Variants in ARFGEF2 observed in about 807,000 individuals in gnomAD.
ARFGEF2 encodes brefeldin A-inhibited guanine nucleotide-exchange protein 2.
In ARFGEF2, 74 loss-of-function variants were observed where a neutral mutation model predicts 219.9. The ratio of observed to expected loss-of-function variants is 0.34; its 90% CI spans 0.28 to 0.41. The LOEUF (loss-of-function observed/expected upper bound fraction) is 0.41, where lower values mean the gene tolerates loss of function less well. Ranked by LOEUF, ARFGEF2 falls within the 10% of genes least tolerant of loss-of-function variation. ARFGEF2 has a pLI of 1.00. For synonymous variants in ARFGEF2, 733 were observed against 799.2 expected (o/e 0.92, Z 1.40); for missense variants, 1,743 against 2,218.3 (o/e 0.79, Z 4.30).
intron 10 of ARFGEF2, 61 bp from the exon 11 acceptor site, chr20:48,972,265 A>C: frequency 2.4e-6 from 3 of 1,227,180 alleles, no homozygotes; most frequent in Non-Finnish European, 3.6e-6. Flanking sequence ...AAGACTTTGG[A>C]GGTTTTGAGC....
chr20:48,998,144 G>A lies in ARFGEF2; in HGVS notation c.3222-49G>A. ...CAAAGTGCTGAGATTACAGGTGTGA[G>A]CCACCACACCCGGTCTAATGTTTAT... On this transcript the variant is annotated intron_variant, in intron 23 of 38. Coordinates refer to ENST00000371917, the MANE Select transcript of ARFGEF2 (RefSeq NM_006420.3). 2.5e-6 allele frequency: 4 copies of A among 1,569,720 alleles called. No homozygotes were observed. In the East Asian group the frequency reaches 6.7e-5, roughly 26 times the overall value.
rs755476741 is a variant in ARFGEF2, at chr20:48,984,712, A to G, written c.1959-17A>G. ...TTTTGAAATAAGCAACTTGTGTCCC[A>G]TCTCTGCTTGAAACAGGTTCAACAA... is the stretch of plus-strand genomic sequence containing the variant. On this transcript the variant is annotated splice_polypyrimidine_tract_variant and intron_variant, in intron 14 of 38. Transcript: ENST00000371917. 15 of 1,614,084 alleles carry G rather than the reference A, an allele frequency of 9.3e-6. No homozygotes were observed. In the East Asian group the frequency reaches 1.1e-4, roughly 12 times the overall value.
chr20:49,019,262 A>G (rs1032229555), intron 34 of ARFGEF2, among the ~76,000 whole-genome samples: 5 of 152,256 alleles, frequency 3.3e-5, no homozygotes, highest in African/African-American at 9.6e-5. Context: ...GTTATGGAAT[A>G]GTACATTCCA....
At chr20:48,941,133 T>C (rs2090990685) in intron 1 of ARFGEF2, 66 bp from the exon 2 acceptor site, 5 of 1,434,082 alleles carry the variant, frequency 3.5e-6, no homozygotes, top group South Asian at 2.4e-5. Context: ...AAATATCTTT[T>C]AGTAAAGTTT....
At chr20:48,942,071 G>A in intron 3 of ARFGEF2, 84 bp downstream of exon 3, 3 of 1,560,646 alleles carry the variant, frequency 1.9e-6, no homozygotes, top group South Asian at 1.1e-5. Context: ...TGGGGACCAC[G>A]CTGGCACTCA....
intron 1 of ARFGEF2, among the ~76,000 whole-genome samples, chr20:48,929,552 CATA>C (rs10535344): frequency 0.25 from 37,294 of 151,970 alleles, 5,220 homozygotes; most frequent in East Asian, 0.47. Context: ...CCCTCTAGGT[CATA>C]ATAACAACCC....
At chr20:48,996,799 CTTT>C (rs78706444) in intron 23 of ARFGEF2, among the ~76,000 whole-genome samples, 1 of 141,770 alleles carries the variant, frequency 7.1e-6, no homozygotes. Flanking sequence ...TGACAGTTTC[CTTT>C]TTTTTTTTTC....
chr20:49,017,678 A>G, intron 33 of ARFGEF2, 128 bp downstream of exon 33: 8 of 848,030 alleles, frequency 9.4e-6, no homozygotes, highest in Non-Finnish European at 1.4e-5. Context: ...AAAATAGTAT[A>G]TATTCATAAT....
At chr20:48,943,682 T>C (rs2091007445) in intron 3 of ARFGEF2, among the ~76,000 whole-genome samples, 2 of 152,222 alleles carry the variant, frequency 1.3e-5, no homozygotes, top group Admixed American at 1.3e-4. Context: ...ACAGTCCTCC[T>C]GCCTCAGCCT....
At chr20:48,922,107 T>TC (rs1175911951) in intron 1 of ARFGEF2, 97 bp downstream of exon 1, 5 of 1,467,074 alleles carry the variant, frequency 3.4e-6, no homozygotes, top group East Asian at 2.7e-5. Context: ...GGCCTCCGCT[T>TC]CCCCCCGATC....
chr20:48,939,491 T>TA (rs1192946350), intron 1 of ARFGEF2, among the ~76,000 whole-genome samples: 5 of 152,068 alleles, frequency 3.3e-5, no homozygotes, highest in African/African-American at 1.2e-4. Flanking sequence ...GCATTATAGA[T>TA]ACAGGTTTCT....
intron 1 of ARFGEF2, among the ~76,000 whole-genome samples, chr20:48,935,200 G>A (rs942566750): frequency 6.6e-6 from 1 of 152,160 alleles, no homozygotes; most frequent in Non-Finnish European, 1.5e-5. Context: ...ATAAACAAGT[G>A]AACAAAGGTC....
chr20:49,032,942 G>T, intron 38 of ARFGEF2, 81 bp from the exon 39 acceptor site: 1 of 1,317,794 alleles, frequency 7.6e-7, no homozygotes. Flanking sequence ...AAGTTCCAGG[G>T]TGAGATTAAC....
intron 1 of ARFGEF2, among the ~76,000 whole-genome samples, chr20:48,940,559 C>T (rs907052347): frequency 6.6e-6 from 1 of 152,198 alleles, no homozygotes; most frequent in African/African-American, 2.4e-5. Context: ...CTGTCATGAA[C>T]ATGCATTCTG....
intron 13 of ARFGEF2, among the ~76,000 whole-genome samples, chr20:48,975,565 G>A (rs1265828231): frequency 6.6e-6 from 1 of 152,008 alleles, no homozygotes; most frequent in Admixed American, 6.6e-5. Context: ...ACTTTGGGAG[G>A]TCGAGGGTGG....
intron 36 of ARFGEF2, among the ~76,000 whole-genome samples, chr20:49,027,320 G>A (rs1474357216): frequency 1.3e-5 from 2 of 152,080 alleles, no homozygotes; most frequent in Admixed American, 6.6e-5. Context: ...GGCGTGAGCC[G>A]CTGCGCCCAG....
intron 34 of ARFGEF2, among the ~76,000 whole-genome samples, chr20:49,021,144 G>A (rs930134709): frequency 5.3e-5 from 8 of 152,064 alleles, no homozygotes; most frequent in South Asian, 4.2e-4. Context: ...GCTCACACCT[G>A]TAATCCCAGC....
At chr20:48,975,346 C>A (rs865780184) in intron 13 of ARFGEF2, among the ~76,000 whole-genome samples, 1 of 152,234 alleles carries the variant, frequency 6.6e-6, no homozygotes. Context: ...CTGTGCCTGG[C>A]CTTCTTTCTG....
intron 12 of ARFGEF2, among the ~76,000 whole-genome samples, chr20:48,974,118 A>ATTTTTTTTTGTTTTTTTTTT (rs2091245691): frequency 1.4e-5 from 1 of 70,066 alleles, no homozygotes; most frequent in Non-Finnish European, 2.5e-5. Context: ...TTGAGTGTGA[A>ATTTTTTTTTGTTTTTTTTTT]TTTTTTTTTT....
Sources: allele counts gnomAD v4.1 joint callset (sites outside exome capture counted in the v4.1 genomes callset), GRCh38; gene constraint gnomAD v4.1.1; transcripts MANE v1.5; gene names NCBI Gene and HGNC (gene_info 2026-07-23, HGNC 2026-07-21).